ATIC: variants seen among roughly 807,000 people sequenced by gnomAD.
ATIC encodes 5-aminoimidazole-4-carboxamide ribonucleotide formyltransferase/IMP cyclohydrolase.
Under a neutral mutation model 72.5 loss-of-function variants are expected in ATIC, and 64 were observed. The ratio of observed to expected loss-of-function variants is 0.88; its 90% CI spans 0.72 to 1.09. ATIC has a LOEUF of 1.09. Among genes scored for constraint, ATIC ranks in the 50% least tolerant of loss-of-function variants. The probability of loss-of-function intolerance (pLI) is 0.00; values close to 1 mark genes in which losing one functional copy is unlikely to be tolerated. For synonymous variants in ATIC, 281 were observed against 267.1 expected (o/e 1.05, Z -0.51); for missense variants, 787 against 732.4 (o/e 1.07, Z -0.86).
intron 7 of ATIC, among the ~76,000 whole-genome samples, chr2:215,331,720 T>C (rs1284716227): frequency 1.4e-5 from 2 of 148,068 alleles, no homozygotes; most frequent in African/African-American, 5.3e-5. Context: ...ACCATTTCTT[T>C]CTGTGTGCTG....
At chr2:215,349,899 C>A (rs866012501), downstream of ATIC, 3 of 606,342 alleles carry the variant, frequency 4.9e-6, no homozygotes, top group Admixed American at 3.0e-5. Context: ...CAGCACTGCC[C>A]GTGTGAAACA....
At chr2:215,349,859 C>T (rs2053116105), downstream of ATIC, 2 of 897,060 alleles carry the variant, frequency 2.2e-6, no homozygotes, top group Non-Finnish European at 3.3e-6. Context: ...TTCCAGAGCA[C>T]CCCTGCCTAC....
Position 215,326,990 on chromosome 2 carries a change from G to A in ATIC, c.688+12G>A, listed in dbSNP as rs1234650158. ...GCTTCCCATCACAGGTAAAGCCCGA[G>A]CGTTCTGTGGCATGGTTTGCTGTGC... On this transcript the variant is annotated intron_variant, in intron 7 of 15. Transcript: ENST00000236959. 1.2e-6 allele frequency: 2 copies of A among 1,614,166 alleles called. No homozygotes were observed. Among genetic ancestry groups the A allele is most frequent in the East Asian group, 4.5e-5 (2 of 44,874 alleles).
At chr2:215,361,614 G>A in the ATIC span, 2 of 1,610,510 alleles carry the variant, frequency 1.2e-6, no homozygotes, top group Non-Finnish European at 8.5e-7. Flanking sequence ...CACTCAATTG[G>A]GCAATTAACA....
chr2:215,341,513 CTT>C (rs1162583400), intron 12 of ATIC, among the ~76,000 whole-genome samples: 3 of 152,140 alleles, frequency 2.0e-5, no homozygotes, highest in African/African-American at 4.8e-5. Context: ...AATTTGGAAA[CTT>C]AAGGATGAGA....
chr2:215,357,641 A>G, the ATIC span, among the ~76,000 whole-genome samples: 27 of 152,266 alleles, frequency 1.8e-4, no homozygotes, highest in South Asian at 4.6e-3. Flanking sequence ...TGTAATTTAT[A>G]TAGGTTTCTG....
Position 215,342,325 on chromosome 2 carries a change from C to G in ATIC, c.1228-2454C>G, listed in dbSNP as rs540741157. Among the ~76,000 whole-genome samples the G allele has an allele frequency of 7.9e-4, 112 of 142,612 alleles. 1 individual carries two copies. Among genetic ancestry groups the G allele is most frequent in the African/African-American group, 3.0e-3 (111 of 37,586 alleles). 93.6% of individuals were successfully genotyped at this position (142,612 alleles called of 152,430 possible). On this transcript the variant is annotated intron_variant, in intron 12 of 15. Transcript: ENST00000236959. ...TAATAATACCTTAGAGTAATAAATT[C>G]TTAAGAAATCCTAATAGCTTTTTTT...
In ATIC at chr2:215,312,101, C is replaced by G. The variant is rs28366035; in HGVS notation, c.-42C>G. ...CTCCTACCTGCGCACGTGGTGCCGC[C>G]GCTGCTGCCTCCCGCTCGCCCTGAA... is the stretch of plus-strand genomic sequence containing the variant. On this transcript the variant is annotated 5_prime_UTR_variant, in exon 1 of 16. Transcript: ENST00000236959. The G allele has an allele frequency of 0.013, 20,298 of 1,529,730 alleles. 753 individuals carry two copies. The highest frequency in any genetic ancestry group is 0.12 in the African/African-American group (8,868 of 72,250). The allele number at this position is 1,529,730 out of a possible 1,614,324, so 94.8% of individuals were successfully genotyped here.
downstream of ATIC, among the ~76,000 whole-genome samples, chr2:215,351,357 G>T (rs2053129100): frequency 6.6e-6 from 1 of 152,206 alleles, no homozygotes; most frequent in Non-Finnish European, 1.5e-5. Flanking sequence ...CAAAGTTCTG[G>T]GGTAATTATG....
intron 3 of ATIC, 43 bp from the exon 4 acceptor site, chr2:215,319,622 T>C: frequency 7.3e-7 from 1 of 1,379,010 alleles, no homozygotes; most frequent in Non-Finnish European, 1.0e-6. Context: ...TAATCTGACT[T>C]GTTTTTTGAA....
rs545395113 is a variant in ATIC at position 215,324,386 on chromosome 2, T to A, written c.291-855T>A. ...CCTTTTTGTACATCTATTGAGATGATCAGGTGGTTTTTGCATTTTTCTGGA... is the reference window on the plus strand; with the variant it reads ...CCTTTTTGTACATCTATTGAGATGAACAGGTGGTTTTTGCATTTTTCTGGA... On this transcript the variant is annotated intron_variant, in intron 4 of 15. Transcript: ENST00000236959. Among the ~76,000 whole-genome samples the A allele has an allele frequency of 1.1e-4, 16 of 152,326 alleles. No individual in the cohort carries two copies. The South Asian group carries it at 3.1e-3, about 30-fold the overall frequency.
intron 7 of ATIC, among the ~76,000 whole-genome samples, chr2:215,328,632 A>G (rs2052855955): frequency 6.6e-6 from 1 of 151,550 alleles, no homozygotes; most frequent in Admixed American, 6.6e-5. Context: ...GCAGCCCATC[A>G]TGCTTTCATC....
chr2:215,321,306 C>G (rs186407801), intron 4 of ATIC, among the ~76,000 whole-genome samples: 1 of 152,246 alleles, frequency 6.6e-6, no homozygotes, highest in South Asian at 2.1e-4. Context: ...AGCATAGTAT[C>G]AATAGTTCAT....
At chr2:215,340,817 C>G (rs1044149301) in intron 12 of ATIC, among the ~76,000 whole-genome samples, 2 of 152,128 alleles carry the variant, frequency 1.3e-5, no homozygotes, top group African/African-American at 2.4e-5. Context: ...GCCAATTTAC[C>G]TTTAGTTTAT....
At chr2:215,368,228 G>A in the ATIC span, among the ~76,000 whole-genome samples, 1 of 152,174 alleles carries the variant, frequency 6.6e-6, no homozygotes, top group South Asian at 2.1e-4. Context: ...ACAGGCACCC[G>A]ACAGGAAGCC....
chr2:215,368,020 T>C, the ATIC span: 1 of 1,614,040 alleles, frequency 6.2e-7, no homozygotes, highest in African/African-American at 1.3e-5. Context: ...GGTTCAAGCC[T>C]TCGTTGACTA....
At chr2:215,312,225 G>A in intron 1 of ATIC, 64 bp downstream of exon 1, 1 of 1,450,660 alleles carries the variant, frequency 6.9e-7, no homozygotes, top group South Asian at 1.4e-5. Context: ...CTCCCGCCTT[G>A]GCGGCGGCCG....
chr2:215,329,474 A>G (rs1162048041), intron 7 of ATIC, among the ~76,000 whole-genome samples: 1 of 152,194 alleles, frequency 6.6e-6, no homozygotes, highest in Non-Finnish European at 1.5e-5. Flanking sequence ...TTTCCACAAT[A>G]GAAAAGGCAC....
chr2:215,324,895 G>A (rs575102888), intron 4 of ATIC, among the ~76,000 whole-genome samples: 29 of 152,190 alleles, frequency 1.9e-4, no homozygotes, highest in Non-Finnish European at 4.0e-4. Flanking sequence ...CTGTAATCTT[G>A]TACTTTATAC....
Sources: allele counts gnomAD v4.1 joint callset (sites outside exome capture counted in the v4.1 genomes callset), GRCh38; gene constraint gnomAD v4.1.1; transcripts MANE v1.5; gene names NCBI Gene and HGNC (gene_info 2026-07-23, HGNC 2026-07-21).